The following ENKUR variants were observed in gnomAD, a reference collection of about 807,000 sequenced individuals.
ENKUR encodes the protein enkurin, TRPC channel interacting protein, also known as enkurin.
ENKUR carries 19 observed loss-of-function variants against 27.6 expected under a neutral mutation model. That is an observed-to-expected ratio of 0.69 (90% CI 0.48 to 1.01). ENKUR has a LOEUF of 1.01. Among genes scored for constraint, ENKUR ranks in the 50% least tolerant of loss-of-function variants. The pLI, the probability that ENKUR is intolerant of heterozygous loss-of-function variation, is 0.00. For missense variants in ENKUR, 312 were observed against 310.5 expected (o/e 1.00, Z -0.04); for synonymous variants, 117 against 96.9 (o/e 1.21, Z -1.22).
intron 1 of ENKUR, among the ~76,000 whole-genome samples, chr10:25,008,296 T>C (rs185771049): frequency 6.6e-6 from 1 of 152,272 alleles, no homozygotes; most frequent in African/African-American, 2.4e-5. Context: ...TATAAGTTAA[T>C]TAAAAAGGGT....
At chr10:25,024,694 G>T in intron 2 of ENKUR, 1 of 1,614,188 alleles carries the variant, frequency 6.2e-7, no homozygotes, top group Non-Finnish European at 8.5e-7. Flanking sequence ...TCTTGATCTT[G>T]TTAGTCAAGG....
chr10:25,016,211 G>C (rs1850568662), upstream of ENKUR: 1 of 1,132,398 alleles, frequency 8.8e-7, no homozygotes, highest in South Asian at 4.1e-5. Context: ...AGGCAGCACC[G>C]CAAACTAGGT....
intron 4 of ENKUR, 41 bp downstream of exon 4, chr10:24,990,422 T>G (rs771673425): frequency 5.7e-6 from 9 of 1,579,004 alleles, no homozygotes; most frequent in Non-Finnish European, 8.6e-7. Context: ...TCAGAGATGA[T>G]CCAAAGAGTT....
At chr10:25,056,458 A>G (rs920228567) in intron 2 of ENKUR, among the ~76,000 whole-genome samples, 1 of 152,234 alleles carries the variant, frequency 6.6e-6, no homozygotes, top group African/African-American at 2.4e-5. Flanking sequence ...GGATTTGAGA[A>G]GGCTTTAAAA....
Position 25,015,411 on chromosome 10 carries a change from A to G in ENKUR, c.77+449T>C, listed in dbSNP as rs182419998. ...AAATGTAAATTTATATTTCATAAAA[A>G]TCTTGGGGGAAAAGTCCTATCCTAT... On this transcript the variant is annotated intron_variant, in intron 1 of 5. Transcript: ENST00000331161. 4.6e-5 allele frequency among the ~76,000 whole-genome samples: 7 copies of G among 152,346 alleles called. No homozygotes were observed. The East Asian group carries it at 1.2e-3, about 25-fold the overall frequency.
At chr10:25,028,063 A>C (rs912124479) in intron 2 of ENKUR, among the ~76,000 whole-genome samples, 1 of 152,172 alleles carries the variant, frequency 6.6e-6, no homozygotes, top group African/African-American at 2.4e-5. Flanking sequence ...CTCACAAAGG[A>C]CATAGAATCT....
intron 1 of ENKUR, among the ~76,000 whole-genome samples, chr10:25,001,184 C>A (rs1406055213): frequency 6.6e-6 from 1 of 152,064 alleles, no homozygotes; most frequent in African/African-American, 2.4e-5. Context: ...AAATTTCTAA[C>A]TGGTACCATT....
intron 2 of ENKUR, among the ~76,000 whole-genome samples, chr10:25,031,028 G>A (rs1850926913): frequency 2.0e-5 from 3 of 152,314 alleles, no homozygotes; most frequent in Non-Finnish European, 2.9e-5. Context: ...TGAGGCAAGA[G>A]AATTGCTTGA....
Position 24,984,273 on chromosome 10 carries a change from A to G in ENKUR, c.*97T>C. ...CATCTTTTGCATTTGTGGAGCTCAG[A>G]AACAATGTGTTGGAGACAGTTTAGA... On this transcript the variant is annotated 3_prime_UTR_variant, in exon 6 of 6. Transcript: ENST00000331161. 1 of 1,365,688 alleles carries G rather than the reference A, an allele frequency of 7.3e-7. No homozygotes were observed. 84.6% of individuals were successfully genotyped at this position (1,365,688 alleles called of 1,614,324 possible).
At chr10:25,005,377 C>T (rs1214334810) in intron 1 of ENKUR, among the ~76,000 whole-genome samples, 5 of 152,116 alleles carry the variant, frequency 3.3e-5, no homozygotes, top group Non-Finnish European at 5.9e-5. Context: ...AGTAAATTTA[C>T]ATTTTAAAAA....
At position 25,036,601 on chromosome 10, in the gene ENKUR, T is replaced by C. The variant is rs540152559; in HGVS notation, c.37+24511A>G. ...AGGAAGGATGTCTGCTAGCAGAGTA[T>C]TGTTCTAAGCAGCTCAGCTCTGACT... On this transcript the variant is annotated intron_variant, in intron 2 of 5. Coordinates refer to the ENKUR transcript ENST00000615958. Among the ~76,000 whole-genome samples the C allele has an allele frequency of 1.4e-3, 210 of 152,332 alleles. No individual in the cohort carries two copies. In the Middle Eastern group the frequency reaches 0.024, roughly 17 times the overall value.
chr10:25,035,998 A>C (rs1466527083), intron 2 of ENKUR, among the ~76,000 whole-genome samples: 2 of 152,220 alleles, frequency 1.3e-5, no homozygotes, highest in Non-Finnish European at 2.9e-5. Context: ...AAGCTTATGG[A>C]GACCTTAGAT....
chr10:25,053,943 G>A (rs991740653), intron 2 of ENKUR, among the ~76,000 whole-genome samples: 3 of 152,098 alleles, frequency 2.0e-5, no homozygotes, highest in Non-Finnish European at 2.9e-5. Context: ...AATCTCAGCC[G>A]CTTTCTTACA....
At chr10:25,029,397 A>C (rs902904) in intron 2 of ENKUR, among the ~76,000 whole-genome samples, 37,715 of 152,108 alleles carry the variant, frequency 0.25, 5,647 homozygotes, top group East Asian at 0.5. Context: ...TTTTCATCAA[A>C]ATAGAGTTTA....
chr10:25,009,283 C>T (rs1564342820), intron 1 of ENKUR, among the ~76,000 whole-genome samples: 1 of 151,898 alleles, frequency 6.6e-6, no homozygotes, highest in Non-Finnish European at 1.5e-5. Flanking sequence ...TGCAGAAATT[C>T]TACACTGGTG....
chr10:25,022,884 A>G (rs1850752856), intron 2 of ENKUR, among the ~76,000 whole-genome samples: 1 of 152,210 alleles, frequency 6.6e-6, no homozygotes, highest in Non-Finnish European at 1.5e-5. Context: ...AAGCATCTAC[A>G]ATCTGGCACT....
At chr10:25,020,340 A>T (rs1016387522), upstream of ENKUR, among the ~76,000 whole-genome samples, 1 of 151,996 alleles carries the variant, frequency 6.6e-6, no homozygotes, top group Non-Finnish European at 1.5e-5. Context: ...AAGAGGGTAG[A>T]GGGGAACTAA....
intron 2 of ENKUR, chr10:25,026,188 G>T: frequency 6.0e-6 from 1 of 166,272 alleles, no homozygotes. Context: ...TAGGGCCAGT[G>T]TTTTTAACCC....
intron 2 of ENKUR, 23 bp from the exon 3 acceptor site, chr10:24,995,892 G>GTTAA: frequency 6.4e-7 from 1 of 1,573,184 alleles, no homozygotes; most frequent in Non-Finnish European, 8.6e-7. Flanking sequence ...ACATTTCTTT[G>GTTAA]TTAATATTAA....
Sources: gnomAD v4.1 joint callset for allele counts (sites outside exome capture counted in the v4.1 genomes callset) on GRCh38, gnomAD v4.1.1 for gene constraint, MANE v1.5 for transcripts, NCBI Gene and HGNC (gene_info 2026-07-23, HGNC 2026-07-21) for gene names.